The following ARSB variants were observed in gnomAD, a reference collection of about 807,000 sequenced individuals.
The protein encoded by ARSB is N-acetylgalactosamine-4-sulfatase.
In ARSB, 41 loss-of-function variants were observed where a neutral mutation model predicts 50.9. The observed-to-expected ratio is 0.81, with a 90% CI of 0.63 to 1.04. The LOEUF (loss-of-function observed/expected upper bound fraction) is 1.04. Ranked by LOEUF, ARSB falls within the 50% of genes least tolerant of loss-of-function variation. The pLI, the probability that ARSB is intolerant of heterozygous loss-of-function variation, is 0.00. For synonymous variants in ARSB, 269 were observed against 284.8 expected (o/e 0.94, Z 0.56); for missense variants, 672 against 693.3 (o/e 0.97, Z 0.35).
chr5:78,939,108 C>T (rs758007792), intron 4 of ARSB, among the ~76,000 whole-genome samples: 4 of 152,164 alleles, frequency 2.6e-5, no homozygotes, highest in Non-Finnish European at 5.9e-5. Context: ...GGTACTCTGG[C>T]CATGGGCTTC....
At chr5:78,893,613 G>A (rs1041002943) in intron 4 of ARSB, among the ~76,000 whole-genome samples, 2 of 152,198 alleles carry the variant, frequency 1.3e-5, no homozygotes, top group Non-Finnish European at 2.9e-5. Context: ...GGAAAACAGT[G>A]TCCTAATTTA....
chr5:78,785,976 T>C (rs73770023), intron 6 of ARSB, among the ~76,000 whole-genome samples: 6,889 of 152,286 alleles, frequency 0.045, 540 homozygotes, highest in African/African-American at 0.16. Flanking sequence ...TAAATATATT[T>C]TTTAAAGAGT....
At chr5:78,845,350 T>C (rs1475712890) in intron 5 of ARSB, among the ~76,000 whole-genome samples, 1 of 152,128 alleles carries the variant, frequency 6.6e-6, no homozygotes, top group African/African-American at 2.4e-5. Flanking sequence ...GGAGTGCACA[T>C]ATCTCCTTGA....
chr5:78,949,678 G>A (rs1751414184), intron 4 of ARSB, among the ~76,000 whole-genome samples: 1 of 152,324 alleles, frequency 6.6e-6, no homozygotes, highest in African/African-American at 2.4e-5. Context: ...GAGAGGCTGA[G>A]GTGGGTGGAT....
intron 5 of ARSB, among the ~76,000 whole-genome samples, chr5:78,879,752 A>C (rs1434091872): frequency 6.6e-6 from 1 of 152,242 alleles, no homozygotes; most frequent in Non-Finnish European, 1.5e-5. Context: ...CTGTATCAGC[A>C]GGCAGGGGTG....
At chr5:78,984,838 C>A (rs1753081902) in intron 1 of ARSB, 99 bp downstream of exon 1, 1 of 1,029,102 alleles carries the variant, frequency 9.7e-7, no homozygotes. Context: ...GTCCGAGCCC[C>A]GCCTGCCAGC....
intron 6 of ARSB, among the ~76,000 whole-genome samples, chr5:78,795,465 C>A (rs1460907090): frequency 6.6e-6 from 1 of 152,180 alleles, no homozygotes; most frequent in Non-Finnish European, 1.5e-5. Context: ...GTGCCTTTCA[C>A]AGGCACTGCC....
intron 4 of ARSB, among the ~76,000 whole-genome samples, chr5:78,928,156 T>C (rs1449764540): frequency 1.3e-5 from 2 of 152,036 alleles, no homozygotes; most frequent in Non-Finnish European, 2.9e-5. Context: ...GCCTGGGACC[T>C]GAAGAGGGCT....
chr5:78,819,854 G>C (rs1744141066), intron 6 of ARSB, among the ~76,000 whole-genome samples: 1 of 152,256 alleles, frequency 6.6e-6, no homozygotes, highest in African/African-American at 2.4e-5. Flanking sequence ...GGCCAAGTCA[G>C]CTCATGCTGA....
rs76378610 is a variant in ARSB at position 78,984,664 on chromosome 5, G to A, written c.312+273C>T. ...GGCATTCCCATAAACCCCTTCGCCC[G>A]GAGCTTCAGAAAACGAAAGACAAAG... On this transcript the variant is annotated intron_variant, in intron 1 of 7. Transcript: ENST00000264914. 7.8e-3 allele frequency among the ~76,000 whole-genome samples: 1,189 copies of A among 152,182 alleles called. 50 individuals are homozygous for A. The East Asian group carries it at 0.14, about 18-fold the overall frequency.
At chr5:78,838,176 C>T (rs929619110) in intron 6 of ARSB, among the ~76,000 whole-genome samples, 5 of 152,134 alleles carry the variant, frequency 3.3e-5, no homozygotes, top group African/African-American at 7.2e-5. Flanking sequence ...GGATGCTATA[C>T]GGAGACACAT....
At chr5:78,985,456 A>C, upstream of ARSB, 2 of 343,320 alleles carry the variant, frequency 5.8e-6, no homozygotes, top group Non-Finnish European at 4.9e-6. Flanking sequence ...CCAGAGACGA[A>C]CCCGCGGGCG....
intron 1 of ARSB, among the ~76,000 whole-genome samples, chr5:78,980,063 A>T (rs992256285): frequency 2.0e-5 from 3 of 152,248 alleles, no homozygotes; most frequent in African/African-American, 7.2e-5. Context: ...CATAGATAAT[A>T]AGAAGGCTGG....
intron 6 of ARSB, among the ~76,000 whole-genome samples, chr5:78,822,391 C>T (rs1299568147): frequency 6.6e-6 from 1 of 151,976 alleles, no homozygotes; most frequent in Non-Finnish European, 1.5e-5. Flanking sequence ...TAACTACAGA[C>T]CCAAGTCCCT....
intron 5 of ARSB, among the ~76,000 whole-genome samples, chr5:78,855,389 C>T (rs749699828): frequency 1.3e-5 from 2 of 152,354 alleles, no homozygotes; most frequent in Non-Finnish European, 1.5e-5. Flanking sequence ...ACTGCTTCAG[C>T]TCTGGCCTGA....
intron 6 of ARSB, among the ~76,000 whole-genome samples, chr5:78,797,489 C>T (rs1743228513): frequency 6.6e-6 from 1 of 152,220 alleles, no homozygotes; most frequent in African/African-American, 2.4e-5. Flanking sequence ...CTTCTCACAT[C>T]ATTCCTTCGA....
chr5:78,887,438 G>A (rs10462561), intron 4 of ARSB, among the ~76,000 whole-genome samples: 19,250 of 152,080 alleles, frequency 0.13, 1,531 homozygotes, highest in Non-Finnish European at 0.17. Flanking sequence ...ACTTCCTACT[G>A]GGCCCCACCT....
intron 4 of ARSB, among the ~76,000 whole-genome samples, chr5:78,952,750 A>G (rs1221075902): frequency 6.6e-6 from 1 of 152,234 alleles, no homozygotes. Context: ...CCCACGTACA[A>G]TACATTAATC....
At chr5:78,965,641 TAA>T (rs1752173054) in intron 2 of ARSB, among the ~76,000 whole-genome samples, 1 of 152,234 alleles carries the variant, frequency 6.6e-6, no homozygotes, top group Non-Finnish European at 1.5e-5. Context: ...TATACTTTGA[TAA>T]AGTTATTAAA....
Sources: allele counts gnomAD v4.1 joint callset (sites outside exome capture counted in the v4.1 genomes callset), GRCh38; gene constraint gnomAD v4.1.1; transcripts MANE v1.5; gene names NCBI Gene and HGNC (gene_info 2026-07-23, HGNC 2026-07-21).